Variants in GLIS3 observed in about 807,000 individuals in gnomAD.
The protein encoded by GLIS3 is zinc finger protein GLIS3.
In GLIS3, 53 loss-of-function variants were observed where a neutral mutation model predicts 78.6. The observed-to-expected ratio is 0.67, with a 90% CI of 0.54 to 0.85. The LOEUF is 0.85. Among genes scored for constraint, GLIS3 ranks in the 40% least tolerant of loss-of-function variants. The pLI, the probability that GLIS3 is intolerant of heterozygous loss-of-function variation, is 0.00. For missense variants in GLIS3, 1,703 were observed against 1,231.1 expected (o/e 1.38, Z -5.74); for synonymous variants, 684 against 509.9 (o/e 1.34, Z -4.60).
At chr9:4,135,589 T>G (rs1302046188) in intron 2 of GLIS3, among the ~76,000 whole-genome samples, 1 of 152,150 alleles carries the variant, frequency 6.6e-6, no homozygotes, top group African/African-American at 2.4e-5. Context: ...ATAACATATC[T>G]AATATAATAT....
Position 3,977,362 on chromosome 9 carries a change from G to A in GLIS3, c.1711-40173C>T, listed in dbSNP as rs1818885262. Among the ~76,000 whole-genome samples the A allele has an allele frequency of 6.6e-6, 1 of 152,188 alleles. No homozygotes were observed. ...GTAGCAGAATAAACTCATATCTGATGCTATAATTACAACCCTAATGGACAC... is the reference window on the plus strand; with the variant it reads ...GTAGCAGAATAAACTCATATCTGATACTATAATTACAACCCTAATGGACAC... On this transcript the variant is annotated intron_variant, in intron 4 of 10. Transcript: ENST00000381971. This position sits in a 1 kb window ranked among gnomAD's most constrained non-coding sequence, Gnocchi z 4.1.
chr9:4,361,969 TG>T, the GLIS3 span, among the ~76,000 whole-genome samples: 3 of 152,212 alleles, frequency 2.0e-5, no homozygotes, highest in Non-Finnish European at 4.4e-5. Flanking sequence ...AGCAGTTTAA[TG>T]GGAAAAATCT....
intron 1 of GLIS3, among the ~76,000 whole-genome samples, chr9:4,289,856 G>T (rs1420655642): frequency 6.6e-6 from 1 of 152,024 alleles, no homozygotes. Flanking sequence ...CAAACTCTTT[G>T]AACACACTTC....
intron 1 of GLIS3, among the ~76,000 whole-genome samples, chr9:4,298,785 C>T (rs1351348278): frequency 2.0e-5 from 3 of 152,246 alleles, no homozygotes; most frequent in South Asian, 2.1e-4. Flanking sequence ...CTGGCGGCTG[C>T]GGATCGCCGG....
chr9:3,953,921 G>C (rs1488778166), intron 4 of GLIS3, among the ~76,000 whole-genome samples: 2 of 151,816 alleles, frequency 1.3e-5, no homozygotes, highest in East Asian at 3.9e-4. Context: ...TATGTCTGTA[G>C]TACACCAATC....
the GLIS3 span, among the ~76,000 whole-genome samples, chr9:4,447,656 C>G: frequency 6.6e-6 from 1 of 152,132 alleles, no homozygotes; most frequent in African/African-American, 2.4e-5. Flanking sequence ...CTAGACTGAC[C>G]TTTGCCTCCA....
chr9:4,145,683 T>C (rs374152963), intron 2 of GLIS3, among the ~76,000 whole-genome samples: 1 of 151,686 alleles, frequency 6.6e-6, no homozygotes, highest in African/African-American at 2.4e-5. Flanking sequence ...CATCTCAAAC[T>C]TCCCTCTCTT....
At chr9:4,007,483 T>C (rs1434933587) in intron 4 of GLIS3, among the ~76,000 whole-genome samples, 1 of 152,140 alleles carries the variant, frequency 6.6e-6, no homozygotes, top group African/African-American at 2.4e-5. Flanking sequence ...GGAAGAGATG[T>C]ATCAATCTTT....
At chr9:3,866,501 T>A (rs1005996161) in intron 8 of GLIS3, among the ~76,000 whole-genome samples, 1 of 152,068 alleles carries the variant, frequency 6.6e-6, no homozygotes, top group Admixed American at 6.6e-5. Context: ...AAGTTTTAGA[T>A]AGTCAAGAAG....
At chr9:4,158,879 G>A (rs1001215584) in intron 2 of GLIS3, among the ~76,000 whole-genome samples, 1 of 152,128 alleles carries the variant, frequency 6.6e-6, no homozygotes, top group Non-Finnish European at 1.5e-5. Flanking sequence ...GGCAGAAAAG[G>A]CCTATGGAAG....
intron 2 of GLIS3, among the ~76,000 whole-genome samples, chr9:4,337,799 C>G (rs909305554): frequency 1.8e-4 from 28 of 152,268 alleles, no homozygotes; most frequent in African/African-American, 6.0e-4. Flanking sequence ...CAGTACCAGG[C>G]TCCACTATCC....
At chr9:4,141,444 A>T (rs1336796846) in intron 2 of GLIS3, among the ~76,000 whole-genome samples, 1 of 152,224 alleles carries the variant, frequency 6.6e-6, no homozygotes, top group Non-Finnish European at 1.5e-5. Flanking sequence ...GGGCTTGGTC[A>T]AAGGGCATCT....
chr9:4,093,993 C>T (rs536046514), intron 4 of GLIS3, among the ~76,000 whole-genome samples: 7 of 152,114 alleles, frequency 4.6e-5, no homozygotes, highest in Non-Finnish European at 1.0e-4. Flanking sequence ...TGATTCATTG[C>T]TTTTTTTCAT....
At chr9:4,470,299 A>T in the GLIS3 span, among the ~76,000 whole-genome samples, 1 of 152,182 alleles carries the variant, frequency 6.6e-6, no homozygotes, top group Non-Finnish European at 1.5e-5. Flanking sequence ...GAGACAAAAA[A>T]AAGAAAGATA....
chr9:4,233,512 G>A (rs1822455458), intron 2 of GLIS3, among the ~76,000 whole-genome samples: 2 of 152,164 alleles, frequency 1.3e-5, no homozygotes, highest in South Asian at 4.1e-4. Context: ...TGAGCAGTAG[G>A]TCTCAACAGA....
At chr9:3,960,536 G>T (rs548236242) in intron 4 of GLIS3, among the ~76,000 whole-genome samples, 5 of 152,148 alleles carry the variant, frequency 3.3e-5, no homozygotes, top group Non-Finnish European at 7.4e-5. Flanking sequence ...GTCTTCTCTT[G>T]CTTTGTTCAT....
chr9:3,855,363 G>C (rs964574331), intron 9 of GLIS3: 1 of 153,964 alleles, frequency 6.5e-6, no homozygotes, highest in African/African-American at 2.4e-5. Context: ...CACTTGTGAA[G>C]AGCTGTGTTA....
chr9:3,916,611 G>A (rs1824531672), intron 6 of GLIS3, among the ~76,000 whole-genome samples: 1 of 152,172 alleles, frequency 6.6e-6, no homozygotes, highest in South Asian at 2.1e-4. Flanking sequence ...GCTGCATGGT[G>A]CCTGATTTAT....
At chr9:4,421,833 G>A in the GLIS3 span, among the ~76,000 whole-genome samples, 1 of 152,174 alleles carries the variant, frequency 6.6e-6, no homozygotes, top group Non-Finnish European at 1.5e-5. Flanking sequence ...ATTCTACTGC[G>A]GGAATTCTTA....
Sources: gnomAD v4.1 joint callset for allele counts (sites outside exome capture counted in the v4.1 genomes callset) on GRCh38, gnomAD v4.1.1 for gene constraint, Gnocchi (gnomAD v3.1) non-coding constraint, MANE v1.5 for transcripts, NCBI Gene and HGNC (gene_info 2026-07-23, HGNC 2026-07-21) for gene names.